Variants in LUZP1 observed in about 807,000 individuals in gnomAD.
LUZP1 encodes leucine zipper protein 1.
In LUZP1, 25 loss-of-function variants were observed where a neutral mutation model predicts 71.3. The observed-to-expected ratio is 0.35, with a 90% confidence interval of 0.26 to 0.49. LUZP1 has a LOEUF of 0.49. LUZP1 is among the 20% of genes least tolerant of loss of function. LUZP1 has a pLI of 0.99. For synonymous variants in LUZP1, 481 were observed against 506.4 expected (o/e 0.95, Z 0.67); for missense variants, 1,142 against 1,300.8 (o/e 0.88, Z 1.88).
intron 2 of LUZP1, among the ~76,000 whole-genome samples, chr1:23,135,761 G>C (rs1644248579): frequency 6.6e-6 from 1 of 152,088 alleles, no homozygotes; most frequent in Non-Finnish European, 1.5e-5. Context: ...TTTAAATTAT[G>C]CATCAACTTA....
chr1:23,161,762 G>A lies in LUZP1; in HGVS notation c.-226+7004C>T, dbSNP rs544626616. ...GAAATGGCCAGGCACAGTGGCTCAC[G>A]CCTGTAATCCCAGCACCTTGGGAGG... On this transcript the variant is annotated intron_variant, in intron 2 of 4. Transcript: ENST00000302291. Among the ~76,000 whole-genome samples, 5 of 152,210 alleles carry A rather than the reference G, an allele frequency of 3.3e-5. No homozygotes were observed. The South Asian group carries it at 8.3e-4, about 25-fold the overall frequency.
intron 4 of LUZP1, 137 bp downstream of exon 3, chr1:23,091,053 A>G (rs1375392543): frequency 1.3e-5 from 12 of 952,114 alleles, no homozygotes; most frequent in Non-Finnish European, 2.0e-5. Flanking sequence ...TGATTTTTCA[A>G]CAGTTCTCTA....
intron 2 of LUZP1, among the ~76,000 whole-genome samples, chr1:23,150,470 T>C (rs1644375005): frequency 6.6e-6 from 1 of 151,990 alleles, no homozygotes; most frequent in Non-Finnish European, 1.5e-5. Context: ...GGTTAGGAGA[T>C]GGAAGAAATA....
intron 2 of LUZP1, among the ~76,000 whole-genome samples, chr1:23,142,700 T>TACACACACACACAC (rs60316911): frequency 9.6e-6 from 1 of 104,338 alleles, no homozygotes; most frequent in African/African-American, 4.0e-5. Flanking sequence ...TATATATATA[T>TACACACACACACAC]ACACACACAC....
rs1188543625 is a variant in LUZP1, at chr1:23,094,418, T to C, written c.-119-38A>G. 7.2e-7 allele frequency: 1 copy of C among 1,384,364 alleles called. No homozygotes were observed. Among genetic ancestry groups the C allele is most frequent in the Non-Finnish European group, 9.4e-7 (1 of 1,068,398 alleles). 85.8% of individuals were successfully genotyped at this position (1,384,364 alleles called of 1,614,324 possible). A position where few individuals can be genotyped will look rare whatever the true frequency, so the allele number is the denominator to read the frequency against. On this transcript the variant is annotated intron_variant, in intron 3 of 4. Transcript: ENST00000302291. This position sits in a 1 kb window ranked among gnomAD's most constrained non-coding sequence, Gnocchi z 4.7. ...AGTAGAAAGCATGTCAGTCAGCAAA[T>C]GTAAAACCTGCACGTTAGCTCCCAG...
At chr1:23,162,503 AT>A (rs1319247075) in intron 2 of LUZP1, among the ~76,000 whole-genome samples, 4 of 149,162 alleles carry the variant, frequency 2.7e-5, no homozygotes, top group Non-Finnish European at 5.9e-5. Context: ...CAGTGGCGTG[AT>A]CTCGGCTCAC....
At chr1:23,138,647 TA>T (rs1246543885) in intron 2 of LUZP1, among the ~76,000 whole-genome samples, 1 of 148,224 alleles carries the variant, frequency 6.7e-6, no homozygotes, top group Non-Finnish European at 1.5e-5. Context: ...ATTTTTATGG[TA>T]TATGGATTAT....
chr1:23,123,591 G>T (rs1644148032), intron 2 of LUZP1, among the ~76,000 whole-genome samples: 2 of 151,380 alleles, frequency 1.3e-5, no homozygotes, highest in Admixed American at 1.3e-4. Flanking sequence ...AATAAATCAA[G>T]ATTGAATTGC....
chr1:23,092,363 A>T, exon 4 of LUZP1: 1 of 1,614,198 alleles, frequency 6.2e-7, no homozygotes, highest in Non-Finnish European at 8.5e-7. Context: ...CTTCCATCAC[A>T]ACTGCTGCAG....
chr1:23,168,190 C>A (rs1222704055), intron 2 of LUZP1, among the ~76,000 whole-genome samples: 1 of 145,740 alleles, frequency 6.9e-6, no homozygotes, highest in African/African-American at 2.5e-5. Context: ...GCGCCCGCAG[C>A]TGGCCCCGCA....
intron 2 of LUZP1, among the ~76,000 whole-genome samples, chr1:23,111,018 G>A (rs186715397): frequency 5.1e-4 from 77 of 151,634 alleles, no homozygotes; most frequent in African/African-American, 1.8e-3. Flanking sequence ...TGGCCAATAT[G>A]GTGAAACCCC....
At chr1:23,140,523 G>C (rs1644293886) in intron 2 of LUZP1, 1 of 152,172 alleles carries the variant, frequency 6.6e-6, no homozygotes, top group Non-Finnish European at 1.5e-5. Context: ...TTGTGGGAAA[G>C]TGGCATGGCA....
At chr1:23,175,546 G>A (rs1189069264) in intron 1 of LUZP1, among the ~76,000 whole-genome samples, 1 of 152,084 alleles carries the variant, frequency 6.6e-6, no homozygotes, top group African/African-American at 2.4e-5. Context: ...TCTCCCTCCA[G>A]CCTGGGACTT....
exon 5 of LUZP1, chr1:23,088,864 G>A: frequency 5.0e-6 from 8 of 1,607,100 alleles, no homozygotes; most frequent in Non-Finnish European, 6.8e-6. Flanking sequence ...AGAAGCAGGA[G>A]CAGAGGGCAG....
At chr1:23,156,277 G>A (rs2124741029) in intron 2 of LUZP1, among the ~76,000 whole-genome samples, 1 of 152,282 alleles carries the variant, frequency 6.6e-6, no homozygotes, top group Non-Finnish European at 1.5e-5. Flanking sequence ...CTACTGGGGA[G>A]GCTGAGGCAG....
chr1:23,090,417 G>C (rs928115486), intron 4 of LUZP1: 1 of 162,534 alleles, frequency 6.2e-6, no homozygotes, highest in African/African-American at 2.4e-5. Context: ...TTAAAGAAGG[G>C]AGCACTGTGT....
intron 3 of LUZP1, among the ~76,000 whole-genome samples, chr1:23,104,747 T>C (rs969187961): frequency 6.6e-6 from 1 of 152,216 alleles, no homozygotes; most frequent in African/African-American, 2.4e-5. Flanking sequence ...AATAGTTTTA[T>C]TGTATTCTGT....
chr1:23,158,184 C>G (rs1644435236), intron 2 of LUZP1, among the ~76,000 whole-genome samples: 1 of 152,294 alleles, frequency 6.6e-6, no homozygotes, highest in South Asian at 2.1e-4. Flanking sequence ...AACATTTAAA[C>G]TCATACTTCC....
intron 2 of LUZP1, among the ~76,000 whole-genome samples, chr1:23,121,638 T>TCACTATC (rs1644130375): frequency 2.6e-4 from 40 of 152,140 alleles, no homozygotes; most frequent in Admixed American, 2.6e-3. Context: ...GAGGATAGCT[T>TCACTATC]AAGCCCCAGA....
Sources: gnomAD v4.1 joint callset for allele counts (sites outside exome capture counted in the v4.1 genomes callset) on GRCh38, gnomAD v4.1.1 for gene constraint, Gnocchi (gnomAD v3.1) non-coding constraint, MANE v1.5 for transcripts, NCBI Gene and HGNC (gene_info 2026-07-23, HGNC 2026-07-21) for gene names.